Variants in HTR4 observed in about 807,000 individuals in gnomAD.
HTR4 encodes 5-hydroxytryptamine receptor 4.
In HTR4, 16 loss-of-function variants were observed where a neutral mutation model predicts 36.8. The ratio of observed to expected loss-of-function variants is 0.43; its 90% confidence interval spans 0.29 to 0.66. HTR4 has a LOEUF of 0.66. Among genes scored for constraint, HTR4 ranks in the 30% least tolerant of loss-of-function variants. HTR4 has a pLI of 0.13. For missense variants in HTR4, 438 were observed against 490.9 expected (o/e 0.89, Z 1.02); for synonymous variants, 189 against 185.1 (o/e 1.02, Z -0.17).
chr5:148,539,008 G>T (rs2113828399), intron 4 of HTR4, among the ~76,000 whole-genome samples: 1 of 152,290 alleles, frequency 6.6e-6, no homozygotes, highest in South Asian at 2.1e-4. Context: ...AAAACAGCAT[G>T]GTACTGGTAT....
chr5:148,594,191 C>A (rs2127261369), intron 2 of HTR4, among the ~76,000 whole-genome samples: 1 of 152,122 alleles, frequency 6.6e-6, no homozygotes, highest in East Asian at 1.9e-4. Flanking sequence ...TTGTCAATGA[C>A]AAATATAATA....
At chr5:148,602,355 T>A (rs1282564625) in intron 2 of HTR4, among the ~76,000 whole-genome samples, 8 of 152,142 alleles carry the variant, frequency 5.3e-5, no homozygotes, top group South Asian at 2.1e-4. Context: ...TATTTGGAAA[T>A]TATGCAATAT....
At chr5:148,597,368 G>A (rs1761818361) in intron 2 of HTR4, among the ~76,000 whole-genome samples, 1 of 152,142 alleles carries the variant, frequency 6.6e-6, no homozygotes, top group African/African-American at 2.4e-5. Flanking sequence ...TTTCCAAAGG[G>A]CAGTGAGGGT....
At chr5:148,453,357 T>C (rs531398057) in intron 5 of HTR4, among the ~76,000 whole-genome samples, 19 of 152,378 alleles carry the variant, frequency 1.2e-4, no homozygotes, top group Non-Finnish European at 2.1e-4. Context: ...AGTTGCTCCC[T>C]GCAGTTGCTA....
At chr5:148,457,541 T>C (rs944128763) in intron 5 of HTR4, among the ~76,000 whole-genome samples, 35 of 151,768 alleles carry the variant, frequency 2.3e-4, no homozygotes, top group Middle Eastern at 3.4e-3. Flanking sequence ...TTATTATACA[T>C]CACCCCAGCC....
chr5:148,604,205 T>C (rs2127272076), intron 2 of HTR4, among the ~76,000 whole-genome samples: 1 of 152,246 alleles, frequency 6.6e-6, no homozygotes, highest in African/African-American at 2.4e-5. Context: ...GAGCTTCTGT[T>C]AATCAAAAGT....
At chr5:148,502,468 A>C (rs189307362) in intron 6 of HTR4, among the ~76,000 whole-genome samples, 2,401 of 152,360 alleles carry the variant, frequency 0.016, 34 homozygotes, top group Middle Eastern at 0.048. Flanking sequence ...TGAAAAACAG[A>C]AAGGACATCC....
chr5:148,460,825 T>C (rs188139404), intron 5 of HTR4, among the ~76,000 whole-genome samples: 78 of 152,270 alleles, frequency 5.1e-4, no homozygotes, highest in African/African-American at 1.8e-3. Flanking sequence ...GTATTAATTA[T>C]GCATGCTTTT....
intron 5 of HTR4, among the ~76,000 whole-genome samples, chr5:148,455,888 C>G (rs964815092): frequency 3.3e-5 from 5 of 151,976 alleles, no homozygotes; most frequent in African/African-American, 1.2e-4. Context: ...TCATAAAAGT[C>G]GTCATCCTCA....
intron 4 of HTR4, among the ~76,000 whole-genome samples, chr5:148,527,883 T>A (rs1255592359): frequency 2.0e-5 from 3 of 152,154 alleles, no homozygotes; most frequent in Admixed American, 2.0e-4. Context: ...CAAAGTGCTG[T>A]CATTACAAAC....
chr5:148,512,170 T>G (rs1277043844), intron 5 of HTR4, among the ~76,000 whole-genome samples: 2 of 152,224 alleles, frequency 1.3e-5, no homozygotes, highest in African/African-American at 4.8e-5. Flanking sequence ...AGTTTCAATC[T>G]GAGTAAGTCA....
At chr5:148,484,470 G>T in intron 6 of HTR4, 1 of 1,236,262 alleles carries the variant, frequency 8.1e-7, no homozygotes, top group Non-Finnish European at 1.1e-6. Context: ...CTGGAGATTA[G>T]CTTTAGTGTT....
At chr5:148,619,675 CCA>C (rs1487675304) in intron 2 of HTR4, among the ~76,000 whole-genome samples, 1 of 152,118 alleles carries the variant, frequency 6.6e-6, no homozygotes, top group African/African-American at 2.4e-5. Flanking sequence ...GACTGAAAAT[CCA>C]CAGAGGAGGA....
chr5:148,591,641 A>C (rs1267526770), intron 2 of HTR4, among the ~76,000 whole-genome samples: 1 of 152,152 alleles, frequency 6.6e-6, no homozygotes, highest in African/African-American at 2.4e-5. Flanking sequence ...GTGGGCAAAG[A>C]ATGTGAACAG....
chr5:148,571,204 G>T (rs1285197518), intron 2 of HTR4, among the ~76,000 whole-genome samples: 1 of 152,068 alleles, frequency 6.6e-6, no homozygotes, highest in Non-Finnish European at 1.5e-5. Context: ...TAAATAAAAA[G>T]AATCTTGCAT....
chr5:148,613,019 G>A (rs1339926533), intron 2 of HTR4, among the ~76,000 whole-genome samples: 1 of 143,648 alleles, frequency 7.0e-6, no homozygotes, highest in African/African-American at 2.6e-5. Context: ...AACAGGATCT[G>A]AAATTGTGGC....
chr5:148,640,152 C>A (rs1753679273), intron 1 of HTR4, among the ~76,000 whole-genome samples: 1 of 152,192 alleles, frequency 6.6e-6, no homozygotes, highest in African/African-American at 2.4e-5. Context: ...TAGCTTACAT[C>A]ATTCTTGTCA....
intron 1 of HTR4, among the ~76,000 whole-genome samples, chr5:148,642,273 C>A (rs532591968): frequency 2.7e-4 from 41 of 152,226 alleles, no homozygotes; most frequent in Admixed American, 1.4e-3. Flanking sequence ...TGGACCTAGG[C>A]CCTCCACCTG....
intron 2 of HTR4, among the ~76,000 whole-genome samples, chr5:148,578,346 C>G (rs929243402): frequency 5.9e-5 from 9 of 151,934 alleles, no homozygotes; most frequent in African/African-American, 2.2e-4. Flanking sequence ...TAAACTTAAA[C>G]CTCATTTTGA....
Sources: allele counts gnomAD v4.1 joint callset (sites outside exome capture counted in the v4.1 genomes callset), GRCh38; gene constraint gnomAD v4.1.1; transcripts MANE v1.5; gene names NCBI Gene and HGNC (gene_info 2026-07-23, HGNC 2026-07-21).